NBEA: variants seen among roughly 807,000 people sequenced by gnomAD.
NBEA encodes the protein lysosomal-trafficking regulator 2.
A neutral mutation model predicts 343.4 loss-of-function variants in NBEA; 44 were observed. That is an observed-to-expected ratio of 0.13 (90% CI 0.10 to 0.16). The LOEUF is 0.16. Ranked by LOEUF, NBEA falls within the 10% of genes least tolerant of loss-of-function variation. The pLI, the probability that NBEA is intolerant of heterozygous loss-of-function variation, is 1.00. For synonymous variants in NBEA, 1,175 were observed against 1,238.7 expected, an observed-to-expected ratio of 0.95 and a Z score of 1.08; for missense variants, 2,555 against 3,631.3, an observed-to-expected ratio of 0.70 and a Z score of 7.62.
intron 1 of NBEA, among the ~76,000 whole-genome samples, chr13:34,993,744 T>C (rs567476680): frequency 6.6e-6 from 1 of 152,344 alleles, no homozygotes; most frequent in East Asian, 1.9e-4. Context: ...CGGAACATTA[T>C]GTCCAATATG....
rs548390535 is a variant in NBEA, at chr13:35,161,768, A to T, written c.3880A>T (p.Ile1294Phe). The T allele has an allele frequency of 6.2e-7, 1 of 1,611,166 alleles. No individual in the cohort carries two copies. Among genetic ancestry groups the T allele is most frequent in the Admixed American group, 1.7e-5 (1 of 59,710 alleles). ...TTTQAVQGRS[I>F]TQQDRDLRVD... Reference sequence around the variant, plus strand: ...TCTTTAGGCTGTGCAGGGTCGGTCTATCACCCAACAAGACCGAGATCTCCG... The same window carrying T: ...TCTTTAGGCTGTGCAGGGTCGGTCTTTCACCCAACAAGACCGAGATCTCCG... The change falls in exon 23 of 59, where the codon ATC (isoleucine) becomes TTC (phenylalanine). Residue 1294 changes from isoleucine to phenylalanine, a missense_variant. Ile to Phe is a conservative substitution (Grantham distance 21). Transcript: ENST00000379939.
At chr13:34,955,196 T>C (rs1478726489) in intron 1 of NBEA, among the ~76,000 whole-genome samples, 1 of 152,078 alleles carries the variant, frequency 6.6e-6, no homozygotes, top group East Asian at 1.9e-4. Context: ...TTCTGCTTTA[T>C]AACTTTCATA....
At chr13:35,156,530 C>A (rs568599992) in intron 20 of NBEA, among the ~76,000 whole-genome samples, 1 of 152,184 alleles carries the variant, frequency 6.6e-6, no homozygotes, top group African/African-American at 2.4e-5. Context: ...TGTTGGATTT[C>A]CCCATTTTCA....
At chr13:35,113,694 G>T (rs186798091) in intron 13 of NBEA, among the ~76,000 whole-genome samples, 2 of 152,022 alleles carry the variant, frequency 1.3e-5, no homozygotes, top group East Asian at 3.9e-4. Flanking sequence ...TCAACAGTTA[G>T]CATACTTTCT....
At chr13:34,980,857 T>G (rs2060333519) in intron 1 of NBEA, among the ~76,000 whole-genome samples, 1 of 152,182 alleles carries the variant, frequency 6.6e-6, no homozygotes, top group Non-Finnish European at 1.5e-5. Context: ...TTGATTGAAG[T>G]GCCCCTATGT....
chr13:35,468,523 A>G (rs61516881), intron 40 of NBEA, among the ~76,000 whole-genome samples: 21,741 of 152,058 alleles, frequency 0.14, 1,768 homozygotes, highest in East Asian at 0.32. Context: ...TAATCATTGA[A>G]TTATTTCTGA....
At chr13:35,422,091 T>TG (rs1491143508) in intron 38 of NBEA, among the ~76,000 whole-genome samples, 1 of 77,158 alleles carries the variant, frequency 1.3e-5, no homozygotes, top group Non-Finnish European at 2.5e-5. Context: ...TTTGTTTGTT[T>TG]GTTTTTTTTT....
At chr13:34,977,947 C>T (rs2060234643) in intron 1 of NBEA, among the ~76,000 whole-genome samples, 1 of 152,102 alleles carries the variant, frequency 6.6e-6, no homozygotes, top group African/African-American at 2.4e-5. Flanking sequence ...TCCTGAATAG[C>T]TCCCATTATG....
At chr13:35,402,348 AT>A (rs1483728417) in intron 38 of NBEA, among the ~76,000 whole-genome samples, 1 of 152,088 alleles carries the variant, frequency 6.6e-6, no homozygotes, top group Non-Finnish European at 1.5e-5. Flanking sequence ...TGTGAATGCC[AT>A]TTTTAAAAAT....
intron 1 of NBEA, among the ~76,000 whole-genome samples, chr13:35,023,631 T>C (rs1019580429): frequency 6.6e-6 from 1 of 152,114 alleles, no homozygotes; most frequent in Non-Finnish European, 1.5e-5. Flanking sequence ...TACATCTGTG[T>C]GTGTATGTAA....
chr13:35,186,245 T>C (rs1408628202), intron 30 of NBEA: 1 of 152,244 alleles, frequency 6.6e-6, no homozygotes, highest in East Asian at 1.9e-4. Context: ...TTTAGGTTGC[T>C]GTGAGCTGTG....
At chr13:35,354,153 A>G (rs1426939786) in intron 38 of NBEA, among the ~76,000 whole-genome samples, 1 of 152,226 alleles carries the variant, frequency 6.6e-6, no homozygotes, top group Non-Finnish European at 1.5e-5. Context: ...ATGTTTGACC[A>G]AACAACTGGG....
intron 41 of NBEA, among the ~76,000 whole-genome samples, chr13:35,521,548 T>C (rs2077714943): frequency 6.6e-6 from 1 of 152,218 alleles, no homozygotes; most frequent in South Asian, 2.1e-4. Context: ...TCTCCCCTTC[T>C]GGGCCACGTG....
intron 49 of NBEA, among the ~76,000 whole-genome samples, chr13:35,629,314 T>A (rs1306703160): frequency 6.6e-6 from 1 of 152,222 alleles, no homozygotes; most frequent in Non-Finnish European, 1.5e-5. Flanking sequence ...TTCTTATTTT[T>A]TATTTTAAAG....
chr13:35,314,165 G>A (rs2037557466), intron 36 of NBEA, among the ~76,000 whole-genome samples: 1 of 151,998 alleles, frequency 6.6e-6, no homozygotes, highest in African/African-American at 2.4e-5. Context: ...TGAAGTGGCA[G>A]GTAAGGTCAT....
chr13:35,039,692 C>G (rs1449120873), intron 1 of NBEA, among the ~76,000 whole-genome samples: 1 of 152,092 alleles, frequency 6.6e-6, no homozygotes, highest in Non-Finnish European at 1.5e-5. Flanking sequence ...GGTATTATTA[C>G]TATTTATCCT....
intron 41 of NBEA, among the ~76,000 whole-genome samples, chr13:35,515,595 A>G (rs1166473379): frequency 6.6e-6 from 1 of 152,212 alleles, no homozygotes; most frequent in Non-Finnish European, 1.5e-5. Context: ...GCTATTTTCA[A>G]TTTAGAGAAT....
chr13:35,656,738 T>C (rs918224012), intron 55 of NBEA, among the ~76,000 whole-genome samples: 8 of 152,238 alleles, frequency 5.3e-5, no homozygotes, highest in Non-Finnish European at 1.2e-4. Context: ...GAAAGGTTTC[T>C]GTGAAGTGAT....
intron 36 of NBEA, among the ~76,000 whole-genome samples, chr13:35,346,162 C>G (rs2039860012): frequency 6.6e-6 from 1 of 152,114 alleles, no homozygotes; most frequent in Non-Finnish European, 1.5e-5. Context: ...TTCTAATCCA[C>G]TGCTTTGCTC....
Sources: allele counts gnomAD v4.1 joint callset (sites outside exome capture counted in the v4.1 genomes callset), GRCh38; gene constraint gnomAD v4.1.1; transcripts MANE v1.5; gene names NCBI Gene and HGNC (gene_info 2026-07-23, HGNC 2026-07-21).